The following CHD2 variants were observed in gnomAD, a reference collection of about 807,000 sequenced individuals.
CHD2 encodes chromodomain helicase DNA binding protein 2.
Under a neutral mutation model 243.9 loss-of-function variants are expected in CHD2, and 28 were observed. The observed-to-expected ratio is 0.11, with a 90% CI of 0.09 to 0.16. The LOEUF is 0.16. CHD2 is among the 10% of genes least tolerant of loss of function. CHD2 has a pLI of 1.00. For synonymous variants in CHD2, 775 were observed against 779.0 expected (o/e 0.99, Z 0.09); for missense variants, 1,386 against 2,209.8 (o/e 0.63, Z 7.47).
intron 6 of CHD2, among the ~76,000 whole-genome samples, 170 bp downstream of exon 6, chr15:92,937,795 C>T (rs1434903297): frequency 6.6e-6 from 1 of 152,210 alleles, no homozygotes; most frequent in Non-Finnish European, 1.5e-5. Context: ...GGTCTTACTG[C>T]TTCTTTCTTC....
In CHD2 at chr15:92,996,949, T is replaced by A. The variant is rs778443689; in HGVS notation, c.3596-8T>A. ...TCATTTAACTAATGTGAAACTGGTA[T>A]TTTTCAGGAAAAGGACCAGGGAAAA... On this transcript the variant is annotated splice_polypyrimidine_tract_variant and splice_region_variant and intron_variant, in intron 28 of 38. Coordinates refer to ENST00000394196, the MANE Select transcript of CHD2 (RefSeq NM_001271.4). 1.9e-6 allele frequency: 3 copies of A among 1,594,498 alleles called. No homozygotes were observed. Among genetic ancestry groups the A allele is most frequent in the Non-Finnish European group, 2.6e-6 (3 of 1,174,780 alleles).
intron 35 of CHD2, among the ~76,000 whole-genome samples, chr15:93,010,046 C>T (rs1474712529): frequency 2.0e-5 from 3 of 152,164 alleles, no homozygotes; most frequent in Non-Finnish European, 4.4e-5. Flanking sequence ...CCCCAGAGTC[C>T]GTTATATCAT....
chr15:93,009,923 T>G (rs1054796767), intron 35 of CHD2, among the ~76,000 whole-genome samples: 1 of 152,212 alleles, frequency 6.6e-6, no homozygotes, highest in Non-Finnish European at 1.5e-5. Flanking sequence ...CAGGTGGTGT[T>G]TGGTGACATG....
chr15:92,941,815 C>T lies in CHD2; in HGVS notation c.693-7C>T, dbSNP rs1263008612. Reference sequence around the variant, plus strand: ...TTCTCATTTATTCAGCATTATTCCTCTTGCAGTTACAAAGAAGATGATGAC... The same window carrying T: ...TTCTCATTTATTCAGCATTATTCCTTTTGCAGTTACAAAGAAGATGATGAC... On this transcript the variant is annotated splice_polypyrimidine_tract_variant and splice_region_variant and intron_variant, in intron 7 of 38. Transcript: ENST00000394196. 3.7e-6 allele frequency: 6 copies of T among 1,612,498 alleles called. No individual in the cohort carries two copies. Among genetic ancestry groups the T allele is most frequent in the Middle Eastern group, 3.3e-4 (2 of 6,052 alleles).
chr15:92,945,381 TTC>T (rs2053446888), intron 10 of CHD2: 1 of 139,930 alleles, frequency 7.1e-6, no homozygotes. Context: ...AATTTTTTTC[TTC>T]TTCTTCTTCT....
At chr15:92,941,129 G>T (rs1182253836) in intron 7 of CHD2, among the ~76,000 whole-genome samples, 1 of 150,750 alleles carries the variant, frequency 6.6e-6, no homozygotes, top group African/African-American at 2.4e-5. Context: ...AGCCTCCAGA[G>T]TAGCTGGGAT....
At chr15:92,924,701 C>T in intron 3 of CHD2, 149 bp downstream of exon 3, 4 of 646,766 alleles carry the variant, frequency 6.2e-6, no homozygotes, top group Non-Finnish European at 8.1e-6. Context: ...TCTGAGGATA[C>T]AAATGAAGAC....
chr15:92,985,326 T>A (rs561049165), intron 25 of CHD2, among the ~76,000 whole-genome samples, 172 bp from the exon 26 acceptor site: 3 of 152,346 alleles, frequency 2.0e-5, no homozygotes, highest in Admixed American at 6.5e-5. Context: ...ATGACTGTCC[T>A]AAGTGGGTAT....
At chr15:92,933,147 C>G (rs2053205355) in intron 5 of CHD2, among the ~76,000 whole-genome samples, 2 of 151,606 alleles carry the variant, frequency 1.3e-5, no homozygotes, top group Non-Finnish European at 2.9e-5. Flanking sequence ...TCAAGTGATC[C>G]TCTTGCTTCA....
intron 5 of CHD2, among the ~76,000 whole-genome samples, chr15:92,932,222 C>A (rs1210760930): frequency 6.6e-6 from 1 of 151,222 alleles, no homozygotes; most frequent in African/African-American, 2.4e-5. Context: ...TAAAGTCTTT[C>A]ATAATATTTT....
At chr15:92,930,049 G>A (rs979635011) in intron 5 of CHD2, among the ~76,000 whole-genome samples, 4 of 152,110 alleles carry the variant, frequency 2.6e-5, no homozygotes, top group African/African-American at 4.8e-5. Flanking sequence ...CTGCTAGAGC[G>A]CATTCAGTTT....
rs2053985057 is a variant in CHD2 at position 92,981,883 on chromosome 15, AAG to A, written c.3066+429_3066+430del. ...TGTTTTTTGTTTGGTAAGTGAGAGA[AAG>A]AGGTGTCAGTGGTGTCTCATATAAC... On this transcript the variant is annotated intron_variant, in intron 24 of 38. Coordinates refer to ENST00000394196, the MANE Select transcript of CHD2 (RefSeq NM_001271.4). Among the ~76,000 whole-genome samples, 4 of 152,196 alleles carry A rather than the reference AAG, an allele frequency of 2.6e-5. No homozygotes were observed. In the South Asian group the frequency reaches 8.3e-4, roughly 31 times the overall value.
chr15:92,918,043 A>G (rs2052876675), intron 2 of CHD2, among the ~76,000 whole-genome samples: 1 of 152,214 alleles, frequency 6.6e-6, no homozygotes, highest in South Asian at 2.1e-4. Flanking sequence ...CAAAATAAAC[A>G]CTAAAGTGAA....
At chr15:92,967,692 A>AT (rs922301550) in intron 17 of CHD2, among the ~76,000 whole-genome samples, 179 bp downstream of exon 17, 2 of 150,928 alleles carry the variant, frequency 1.3e-5, no homozygotes, top group African/African-American at 4.9e-5. Context: ...CGCCCAGCTA[A>AT]TTTTTTTTGT....
intron 26 of CHD2, among the ~76,000 whole-genome samples, chr15:92,987,990 C>T (rs1022207469): frequency 6.6e-6 from 1 of 152,114 alleles, no homozygotes; most frequent in Non-Finnish European, 1.5e-5. Context: ...GCTCACCATC[C>T]CCATTTGTGC....
At position 92,919,579 on chromosome 15, in the gene CHD2, A is replaced by G. The variant is rs150159594; in HGVS notation, c.63-4742A>G. 3.2e-3 allele frequency among the ~76,000 whole-genome samples: 491 copies of G among 151,958 alleles called. 25 individuals are homozygous for G. The South Asian group carries it at 0.072, about 22-fold the overall frequency. On this transcript the variant is annotated intron_variant, in intron 2 of 38. Transcript: ENST00000394196. ...CTAATTTTTTGTATTTGTAGTAGAG[A>G]TGGGGTTTCACCGTGTTAGCCAGGA...
chr15:92,924,420 C>T lies in CHD2; in HGVS notation c.162C>T (p.Asn54=). 1 of 1,614,176 alleles carries T rather than the reference C, an allele frequency of 6.2e-7. No homozygotes were observed. Among genetic ancestry groups the T allele is most frequent in the East Asian group, 2.2e-5 (1 of 44,890 alleles). Residue 54 remains asparagine (N), a synonymous_variant, in exon 3 of 39, where the codon AAC becomes AAT. Coordinates refer to ENST00000394196, the MANE Select transcript of CHD2 (RefSeq NM_001271.4). ...DPGSGHGSES[N]SSSESSESQS... is the part of the protein sequence containing the mutation. The stretch of plus-strand genomic sequence containing the variant: ...GAAGTGGACATGGCAGCGAGTCGAA[C>T]AGCAGCTCTGAATCTTCTGAGAGTC...
chr15:92,959,574 G>A (rs989955259), intron 16 of CHD2, among the ~76,000 whole-genome samples: 9 of 152,002 alleles, frequency 5.9e-5, no homozygotes, highest in Non-Finnish European at 7.4e-5. Flanking sequence ...TCACTGCAAC[G>A]TCTGCCTCCC....
intron 12 of CHD2, chr15:92,947,579 G>A (rs572044270): frequency 6.6e-6 from 1 of 152,204 alleles, no homozygotes; most frequent in Non-Finnish European, 1.5e-5. Context: ...AAAGCTTCAT[G>A]TAATAGCAGT....
Sources: gnomAD v4.1 joint callset for allele counts (sites outside exome capture counted in the v4.1 genomes callset) on GRCh38, gnomAD v4.1.1 for gene constraint, MANE v1.5 for transcripts, NCBI Gene and HGNC (gene_info 2026-07-23, HGNC 2026-07-21) for gene names.